Variants in SPATA20 observed in about 807,000 individuals in gnomAD.
The protein encoded by SPATA20 is spermatogenesis-associated protein 20.
A neutral mutation model predicts 98.9 loss-of-function variants in SPATA20; 74 were observed. That is an observed-to-expected ratio of 0.75 (90% CI 0.62 to 0.91). SPATA20 has a LOEUF of 0.91. SPATA20 is among the 40% of genes least tolerant of loss of function. The pLI is 0.00. For synonymous variants in SPATA20, 430 were observed against 440.5 expected (o/e 0.98, Z 0.30); for missense variants, 1,016 against 1,069.8 (o/e 0.95, Z 0.70).
chr17:50,554,528 G>GT, intron 15 of SPATA20, 78 bp downstream of exon 15: 11 of 1,469,628 alleles, frequency 7.5e-6, no homozygotes, highest in Non-Finnish European at 1.0e-5. Flanking sequence ...GGAACAGGGG[G>GT]TGGGGTTCCT....
At chr17:50,550,487 C>G in intron 9 of SPATA20, 49 bp from the exon 10 acceptor site, 4 of 1,558,156 alleles carry the variant, frequency 2.6e-6, no homozygotes, top group Non-Finnish European at 2.6e-6. Flanking sequence ...TCCACCTGGG[C>G]CTCCCCAGTG....
At position 50,549,145 on chromosome 17, in the gene SPATA20, C is replaced by T. The variant is rs773926337; in HGVS notation, c.619C>T (p.Arg207Ter). 9.9e-6 allele frequency: 16 copies of T among 1,609,436 alleles called. No individual in the cohort carries two copies. Among genetic ancestry groups the T allele is most frequent in the East Asian group, 2.2e-5 (1 of 44,830 alleles). The change falls in exon 6 of 17, where the codon CGA becomes TGA. Residue 207 changes from arginine to a stop codon, truncating the protein, a stop_gained. Coordinates refer to ENST00000006658, the MANE Select transcript of SPATA20 (RefSeq NM_022827.4). LOFTEE classifies it high-confidence loss of function. Reference sequence around the variant, plus strand: ...TTTCCCTCCTGAGGATGGCTTGACCCGAGTCGGCTTCCGCACAGTGTTGCT... The same window carrying T: ...TTTCCCTCCTGAGGATGGCTTGACCTGAGTCGGCTTCCGCACAGTGTTGCT... The part of the protein sequence containing the change: ...TYFPPEDGLT[R>*]VGFRTVLLRI...
rs1477292602 is a variant in SPATA20, at chr17:50,550,568, C to T, written c.1131C>T (p.Ala377=). ...GTGATGAATTCTACTCTGACGTGGC[C>T]AAAGGCATCCTGCAGTACGTGGCTC... The part of the protein sequence containing the change: ...LSGDEFYSDV[A]KGILQYVARS... The change falls in exon 10 of 17, where the codon GCC becomes GCT. Residue 377 remains alanine, a synonymous_variant. Coordinates refer to ENST00000006658, the MANE Select transcript of SPATA20 (RefSeq NM_022827.4). The T allele has an allele frequency of 3.7e-6, 6 of 1,614,146 alleles. No individual in the cohort carries two copies. The South Asian group carries it at 5.5e-5, about 15-fold the overall frequency.
chr17:50,548,487 G>T, intron 3 of SPATA20, 34 bp downstream of exon 3: 1 of 1,613,386 alleles, frequency 6.2e-7, no homozygotes, highest in Non-Finnish European at 8.5e-7. Flanking sequence ...GCCTGGAATC[G>T]CTGGGGTCCT....
At position 50,555,316 on chromosome 17, in the gene SPATA20, C is replaced by T. The variant is rs2035096569; in HGVS notation, c.2238+4C>T. ...CTCTGTCTACATTCCTAACAAGGTA[C>T]CCATCCCTGTGAGCCCAATCTGCCA... On this transcript the variant is annotated splice_donor_region_variant and intron_variant, in intron 16 of 16. Coordinates refer to ENST00000006658, the MANE Select transcript of SPATA20 (RefSeq NM_022827.4). The T allele has an allele frequency of 1.2e-6, 2 of 1,613,466 alleles. No homozygotes were observed. The highest frequency in any genetic ancestry group is 2.7e-5 in the African/African-American group (2 of 74,878).
At chr17:50,548,152 G>T (rs2034945072) in intron 2 of SPATA20, 131 bp from the exon 3 acceptor site, 1 of 1,492,210 alleles carries the variant, frequency 6.7e-7, no homozygotes, top group Admixed American at 2.3e-5. Context: ...CTCCCCCATG[G>T]TTCAGAAAGG....
chr17:50,552,238 G>A, intron 14 of SPATA20, 58 bp downstream of exon 14: 1 of 1,488,216 alleles, frequency 6.7e-7, no homozygotes, highest in South Asian at 1.2e-5. Flanking sequence ...CAGCGTGGGT[G>A]AAGAGCTGGT....
At position 50,549,200 on chromosome 17, in the gene SPATA20, C is replaced by T. The variant is rs182924243; in HGVS notation, c.660+14C>T. 1.1e-4 allele frequency: 169 copies of T among 1,592,532 alleles called. No homozygotes were observed. The highest frequency in any genetic ancestry group is 1.7e-4 in the Middle Eastern group (1 of 5,994). ...ATACGAGAACAGGTGGGTGTGCCTCCGGGAGTTGGGGGACCAGGGTGGGGG... is the reference window on the plus strand; with the variant it reads ...ATACGAGAACAGGTGGGTGTGCCTCTGGGAGTTGGGGGACCAGGGTGGGGG... On this transcript the variant is annotated intron_variant, in intron 6 of 16. Coordinates refer to ENST00000006658, the MANE Select transcript of SPATA20 (RefSeq NM_022827.4).
At chr17:50,551,744 ACTT>A in intron 13 of SPATA20, 65 bp downstream of exon 13, 1 of 1,511,272 alleles carries the variant, frequency 6.6e-7, no homozygotes, top group Non-Finnish European at 9.0e-7. Flanking sequence ...CCTCTGCCCT[ACTT>A]CTCCCCTCCA....
At chr17:50,552,260 C>A in intron 14 of SPATA20, 80 bp downstream of exon 14, 1 of 1,235,906 alleles carries the variant, frequency 8.1e-7, no homozygotes, top group Non-Finnish European at 1.1e-6. Context: ...TGGGCAGGAG[C>A]CCTCCTGGCT....
intron 13 of SPATA20, 53 bp downstream of exon 13, chr17:50,551,732 T>C: frequency 6.5e-7 from 1 of 1,541,328 alleles, no homozygotes; most frequent in Non-Finnish European, 8.8e-7. Flanking sequence ...GTCCCCAGCC[T>C]ACCTCTGCCC....
In SPATA20 at chr17:50,551,155, C is replaced by A. The variant is rs141959741; in HGVS notation, c.1541C>A (p.Pro514Gln). Residue 514 changes from proline (P) to glutamine (Q), a missense_variant, in exon 12 of 17, where the codon CCG becomes CAG. Coordinates refer to ENST00000006658, the MANE Select transcript of SPATA20 (RefSeq NM_022827.4). ...LFQARKHRPKPHLDSKMLAAW... is the reference protein window; with the variant it reads ...LFQARKHRPKQHLDSKMLAAW... ...CAGGCCCGGAAGCATCGGCCCAAGC[C>A]GCACCTGGACAGCAAGATGCTGGCT... is the stretch of plus-strand genomic sequence containing the variant. 3 of 1,609,786 alleles carry A rather than the reference C, an allele frequency of 1.9e-6. No individual in the cohort carries two copies. Among genetic ancestry groups the A allele is most frequent in the African/African-American group, 1.3e-5 (1 of 74,874 alleles).
chr17:50,550,674 G>C (rs1157386062), intron 10 of SPATA20, 34 bp from the exon 11 acceptor site: 1 of 1,612,874 alleles, frequency 6.2e-7, no homozygotes, highest in East Asian at 2.2e-5. Flanking sequence ...ACTGCCCTGT[G>C]GGCCGGGGCC....
Position 50,548,852 on chromosome 17 carries a change from A to T in SPATA20, c.404A>T (p.Glu135Val). The change falls in exon 5 of 17, where the codon GAG (glutamate) becomes GTG (valine). Residue 135 changes from glutamate to valine, a missense_variant. Glu to Val is a moderately radical substitution (Grantham distance 121). Transcript: ENST00000006658. ...TCHWCHMMEE[E>V]SFQNEEIGRL... ...CACTGGTGCCACATGATGGAAGAGG[A>T]GTCCTTCCAGAATGAGGAGATTGGC... The T allele has an allele frequency of 6.2e-7, 1 of 1,614,094 alleles. No homozygotes were observed. Among genetic ancestry groups the T allele is most frequent in the Non-Finnish European group, 8.5e-7 (1 of 1,179,994 alleles).
Position 50,549,383 on chromosome 17 carries a change from C to T in SPATA20, c.758C>T (p.Pro253Leu), listed in dbSNP as rs760813879. ...SEISVGDRQL[P>L]PSAATVNNRC... is the part of the protein sequence containing the mutation. The stretch of plus-strand genomic sequence containing the variant: ...ATCAGCGTGGGTGACCGCCAGCTGC[C>T]GCCCTCTGCCGCCACCGTGAACAAT... Residue 253 changes from proline (P) to leucine (L), a missense_variant, in exon 7 of 17, where the codon CCG becomes CTG. Transcript: ENST00000006658. 10 of 1,612,424 alleles carry T rather than the reference C, an allele frequency of 6.2e-6. No homozygotes were observed. The highest frequency in any genetic ancestry group is 1.7e-5 in the Admixed American group (1 of 60,012).
chr17:50,554,101 G>T, intron 14 of SPATA20, 150 bp from the exon 15 acceptor site: 1 of 675,138 alleles, frequency 1.5e-6, no homozygotes, highest in Non-Finnish European at 2.6e-6. Flanking sequence ...TGCTGGAGTG[G>T]CATCCACACC....
intron 12 of SPATA20, 37 bp downstream of exon 12, chr17:50,551,227 G>A: frequency 6.4e-7 from 1 of 1,556,170 alleles, no homozygotes; most frequent in Non-Finnish European, 8.7e-7. Context: ...CTGTCTGTAG[G>A]ATCCCCCTTC....
At chr17:50,553,715 T>C (rs2035051290) in intron 14 of SPATA20, among the ~76,000 whole-genome samples, 1 of 151,806 alleles carries the variant, frequency 6.6e-6, no homozygotes, top group African/African-American at 2.4e-5. Flanking sequence ...TCTGCTCTGG[T>C]ATGGTTTTAA....
At chr17:50,551,721 C>T (rs1597871805) in intron 13 of SPATA20, 42 bp downstream of exon 13, 9 of 1,558,206 alleles carry the variant, frequency 5.8e-6, no homozygotes, top group Middle Eastern at 2.2e-4. Context: ...CTCCCCAACG[C>T]GTCCCCAGCC....
Sources: allele counts gnomAD v4.1 joint callset (sites outside exome capture counted in the v4.1 genomes callset), GRCh38; gene constraint gnomAD v4.1.1; transcripts MANE v1.5; gene names NCBI Gene and HGNC (gene_info 2026-07-23, HGNC 2026-07-21).